The following HADHA variants were observed in gnomAD, a reference collection of about 807,000 sequenced individuals.
HADHA encodes hydroxyacyl-CoA dehydrogenase trifunctional multienzyme complex subunit alpha.
Under a neutral mutation model 91.3 loss-of-function variants are expected in HADHA, and 59 were observed. That is an observed-to-expected ratio of 0.65 (90% CI 0.52 to 0.80). HADHA has a LOEUF of 0.80. HADHA is among the 30% of genes least tolerant of loss of function. The probability of loss-of-function intolerance (pLI) is 0.00; values close to 1 mark genes in which losing one functional copy is unlikely to be tolerated. For missense variants in HADHA, 800 were observed against 927.6 expected (o/e 0.86, Z 1.79); for synonymous variants, 320 against 338.9 (o/e 0.94, Z 0.61).
chr2:26,191,682 C>T (rs1669510005), intron 18 of HADHA, 54 bp from the exon 19 acceptor site: 1 of 1,575,874 alleles, frequency 6.3e-7, no homozygotes, highest in African/African-American at 1.3e-5. Context: ...GGAGGAAAGC[C>T]AGAGCCGCAG....
chr2:26,206,985 G>A (rs1222632802), intron 11 of HADHA, among the ~76,000 whole-genome samples: 1 of 152,042 alleles, frequency 6.6e-6, no homozygotes, highest in Non-Finnish European at 1.5e-5. Flanking sequence ...ACTGCTTGAG[G>A]CCAGAATTTT....
rs1275625501 is a variant in HADHA at position 26,221,713 on chromosome 2, G to C, written c.677-6538C>G. On this transcript the variant is annotated intron_variant, in intron 7 of 19. Transcript: ENST00000380649. The surrounding 1 kb of genome is among the most constrained non-coding windows in gnomAD (Gnocchi z 4.8). ...AGTTGATTGGTAAAGAAAAACTCAG[G>C]CCTGGTTTGTAGATATTTCTGTGTG... Among the ~76,000 whole-genome samples the C allele has an allele frequency of 1.3e-5, 2 of 152,138 alleles. No individual in the cohort carries two copies. The highest frequency in any genetic ancestry group is 4.8e-5 in the African/African-American group (2 of 41,440).
rs1395079464 is a variant in HADHA, at chr2:26,193,705, G to A, written c.1757C>T (p.Thr586Ile). 2 of 1,614,006 alleles carry A rather than the reference G, an allele frequency of 1.2e-6. No homozygotes were observed. Among genetic ancestry groups the A allele is most frequent in the South Asian group, 1.1e-5 (1 of 91,090 alleles). The part of the protein sequence containing the change: ...TSFGFPVGAA[T>I]LVDEVGVDVA... Reference sequence around the variant, plus strand: ...ATCCACACCAACTTCATCCACCAGTGTGGCGGCACCCACAGGAAAGCCAAA... The same window carrying A: ...ATCCACACCAACTTCATCCACCAGTATGGCGGCACCCACAGGAAAGCCAAA... Residue 586 changes from threonine (T) to isoleucine (I), a missense_variant, in exon 17 of 20, where the codon ACA becomes ATA. By Grantham distance (89) the Thr-to-Ile change is moderately conservative. Coordinates refer to ENST00000380649, the MANE Select transcript of HADHA (RefSeq NM_000182.5).
intron 3 of HADHA, among the ~76,000 whole-genome samples, chr2:26,237,267 T>A (rs574067556): frequency 6.6e-6 from 1 of 152,032 alleles, no homozygotes; most frequent in African/African-American, 2.4e-5. Flanking sequence ...TATAAACAAA[T>A]AGGTCTACAA....
intron 11 of HADHA, among the ~76,000 whole-genome samples, chr2:26,207,512 G>A (rs1669999547): frequency 6.6e-6 from 1 of 152,018 alleles, no homozygotes; most frequent in Admixed American, 6.5e-5. Context: ...TGGCTTTATA[G>A]TTGTTTAATA....
rs1162690263 is a variant in HADHA, at chr2:26,229,368, A to ACACACG, written c.676+823_676+824insCGTGTG. On this transcript the variant is annotated intron_variant, in intron 7 of 19. Transcript: ENST00000380649. This position sits in a 1 kb window ranked among gnomAD's most constrained non-coding sequence, Gnocchi z 4.3. ...CGCGCGCACACACACACACACACAC[A>ACACACG]CACACAAAATTAATACATTTACTAT... is the stretch of plus-strand genomic sequence containing the variant. Among the ~76,000 whole-genome samples, 1 of 151,636 alleles carries ACACACG rather than the reference A, an allele frequency of 6.6e-6. No individual in the cohort carries two copies. The highest frequency in any genetic ancestry group is 6.6e-5 in the Admixed American group (1 of 15,190).
chr2:26,225,364 A>C (rs1270757822), intron 7 of HADHA, among the ~76,000 whole-genome samples: 3 of 144,770 alleles, frequency 2.1e-5, no homozygotes, highest in Non-Finnish European at 3.0e-5. Context: ...CCACTGCACC[A>C]CTCCAGCCTG....
intron 7 of HADHA, among the ~76,000 whole-genome samples, chr2:26,224,800 A>ACAGCC (rs1282792297): frequency 5.9e-5 from 9 of 152,246 alleles, no homozygotes; most frequent in Non-Finnish European, 1.0e-4. Context: ...TGGCTAGGCT[A>ACAGCC]CAGCCCAGTT....
chr2:26,225,399 A>G (rs1574620655), intron 7 of HADHA, among the ~76,000 whole-genome samples: 1 of 5,302 alleles, frequency 1.9e-4, no homozygotes, highest in Middle Eastern at 0.056. Context: ...CTCCATCTCA[A>G]AAAAAAAAAA....
chr2:26,226,470 C>G (rs1012066390), intron 7 of HADHA, among the ~76,000 whole-genome samples: 1 of 152,058 alleles, frequency 6.6e-6, no homozygotes, highest in Non-Finnish European at 1.5e-5. Flanking sequence ...ATTGGTTTAA[C>G]AAAAAGACAT....
intron 7 of HADHA, among the ~76,000 whole-genome samples, chr2:26,219,791 A>C (rs1304957937): frequency 1.3e-5 from 2 of 152,208 alleles, no homozygotes; most frequent in Non-Finnish European, 2.9e-5. Flanking sequence ...TGGGTGGTTG[A>C]TCATGGTGTC....
At chr2:26,230,695 G>A (rs897949474) in intron 6 of HADHA, among the ~76,000 whole-genome samples, 32 of 151,978 alleles carry the variant, frequency 2.1e-4, no homozygotes, top group Admixed American at 1.6e-3. Flanking sequence ...CAAGGCAGGC[G>A]GGTCACCTGA....
chr2:26,191,017 T>C lies in HADHA; in HGVS notation c.*233A>G. The C allele has an allele frequency of 3.3e-6, 2 of 603,412 alleles. No individual in the cohort carries two copies. Among genetic ancestry groups the C allele is most frequent in the East Asian group, 2.9e-5 (1 of 34,980 alleles). The allele number at this position is 603,412 out of a possible 1,614,324, so 37.4% of individuals were successfully genotyped here. A position where few individuals can be genotyped will look rare whatever the true frequency, so the allele number is the denominator to read the frequency against. Reference sequence around the variant, plus strand: ...GGCTGCCACTCTAGGCCTCGGGGCTTATACAATGAGCAGTGGGCTCTACCT... The same window carrying C: ...GGCTGCCACTCTAGGCCTCGGGGCTCATACAATGAGCAGTGGGCTCTACCT... On this transcript the variant is annotated 3_prime_UTR_variant, in exon 20 of 20. Coordinates refer to ENST00000380649, the MANE Select transcript of HADHA (RefSeq NM_000182.5).
At chr2:26,238,313 G>T (rs1288187872) in intron 3 of HADHA, among the ~76,000 whole-genome samples, 2 of 152,148 alleles carry the variant, frequency 1.3e-5, no homozygotes, top group African/African-American at 4.8e-5. Context: ...CTGGCTACAA[G>T]ATTTTTAAAG....
At chr2:26,241,509 G>A (rs572414731) in intron 1 of HADHA, among the ~76,000 whole-genome samples, 2 of 151,872 alleles carry the variant, frequency 1.3e-5, no homozygotes. Flanking sequence ...AAGTTAGCTG[G>A]GCGTGGTGGC....
intron 7 of HADHA, among the ~76,000 whole-genome samples, chr2:26,217,182 GA>G (rs570236502): frequency 0.017 from 2,457 of 144,716 alleles, 27 homozygotes; most frequent in South Asian, 0.028. Context: ...GACCCCGTCT[GA>G]AAAAAAAAAA....
chr2:26,236,380 CTGTGTGTGTGTG>C lies in HADHA; in HGVS notation c.314+463_314+474del, dbSNP rs201544302. Among the ~76,000 whole-genome samples the C allele has an allele frequency of 4.3e-4, 48 of 111,102 alleles. 1 individual carries two copies. The highest frequency in any genetic ancestry group is 1.3e-3 in the East Asian group (5 of 3,932). 72.9% of individuals were successfully genotyped at this position (111,102 alleles called of 152,430 possible). ...GTGTGTATATATATATATATATACT[CTGTGTGTGTGTG>C]TGTGTGTGTGTGTGTGTGTGTGTGT... is the stretch of plus-strand genomic sequence containing the variant. On this transcript the variant is annotated intron_variant, in intron 4 of 19. Coordinates refer to ENST00000380649, the MANE Select transcript of HADHA (RefSeq NM_000182.5).
At chr2:26,192,755 CAAAA>C (rs1371526173) in intron 17 of HADHA, among the ~76,000 whole-genome samples, 1 of 151,974 alleles carries the variant, frequency 6.6e-6, no homozygotes, top group Non-Finnish European at 1.5e-5. Context: ...AAAAAACAAA[CAAAA>C]AAGACCCTGA....
intron 9 of HADHA, 104 bp from the exon 10 acceptor site, chr2:26,212,730 CA>C: frequency 2.5e-6 from 2 of 807,628 alleles, no homozygotes; most frequent in South Asian, 2.7e-5. Context: ...AAGAGTAAGT[CA>C]AAAGTCTAGA....
Sources: allele counts gnomAD v4.1 joint callset (sites outside exome capture counted in the v4.1 genomes callset), GRCh38; gene constraint gnomAD v4.1.1; non-coding constraint Gnocchi (gnomAD v3.1); transcripts MANE v1.5; gene names NCBI Gene and HGNC (gene_info 2026-07-23, HGNC 2026-07-21).